RIPOR2: variants seen among roughly 807,000 people sequenced by gnomAD.
RIPOR2 encodes the protein RHO family interacting cell polarization regulator 2.
RIPOR2 carries 39 observed loss-of-function variants against 114.5 expected under a neutral mutation model. That is an observed-to-expected ratio of 0.34 (90% CI 0.26 to 0.44). The LOEUF (loss-of-function observed/expected upper bound fraction) is 0.44, where lower values mean the gene tolerates loss of function less well. Ranked by LOEUF, RIPOR2 falls within the 20% of genes least tolerant of loss-of-function variation. The probability of loss-of-function intolerance (pLI) is 1.00; values close to 1 mark genes in which losing one functional copy is unlikely to be tolerated. For synonymous variants in RIPOR2, 445 were observed against 484.4 expected, an observed-to-expected ratio of 0.92 and a Z score of 1.07; for missense variants, 1,007 against 1,255.1, an observed-to-expected ratio of 0.80 and a Z score of 2.99.
intron 1 of RIPOR2, among the ~76,000 whole-genome samples, chr6:25,039,187 T>C (rs1233711187): frequency 1.3e-5 from 2 of 152,212 alleles, no homozygotes; most frequent in Non-Finnish European, 2.9e-5. Context: ...CAAAGCAGAT[T>C]TTAGCAGCTG....
At position 24,842,990 on chromosome 6, in the gene RIPOR2, A is replaced by C; in HGVS notation, c.1729T>G (p.Ser577Ala). 1 of 1,583,964 alleles carries C rather than the reference A, an allele frequency of 6.3e-7. No individual in the cohort carries two copies. Among genetic ancestry groups the C allele is most frequent in the Non-Finnish European group, 8.6e-7 (1 of 1,164,322 alleles). The stretch of plus-strand genomic sequence containing the variant: ...TCCTCTAAGCTTCCATCTAGAAAGG[A>C]TCTGCAGCCTTCAGATTCTCCACCA... ...SVGGESEGCR[S>A]FLDGSLEDAF... The change falls in exon 13 of 22, where the codon TCC becomes GCC. Residue 577 changes from serine to alanine, a missense_variant. Transcript: ENST00000643898.
intron 19 of RIPOR2, among the ~76,000 whole-genome samples, chr6:24,821,801 G>A (rs1400096928): frequency 6.6e-6 from 1 of 152,202 alleles, no homozygotes; most frequent in African/African-American, 2.4e-5. Flanking sequence ...CCCCTCCAAA[G>A]CTACCATTTC....
intron 1 of RIPOR2, chr6:25,023,776 G>A: frequency 2.5e-6 from 2 of 794,494 alleles, no homozygotes; most frequent in Non-Finnish European, 2.2e-6. Flanking sequence ...TGGAGCCATC[G>A]TTGACGTTGG....
At chr6:24,886,509 G>A (rs1766850221) in intron 1 of RIPOR2, among the ~76,000 whole-genome samples, 2 of 152,166 alleles carry the variant, frequency 1.3e-5, no homozygotes, top group South Asian at 4.1e-4. Context: ...TTTAATCTGG[G>A]ACAGTTTCTT....
chr6:24,828,173 C>A lies in RIPOR2; in HGVS notation c.2629G>T (p.Asp877Tyr). 1 of 1,550,446 alleles carries A rather than the reference C, an allele frequency of 6.4e-7. No individual in the cohort carries two copies. The highest frequency in any genetic ancestry group is 1.2e-5 in the South Asian group (1 of 83,936). Residue 877 changes from aspartate (D) to tyrosine (Y), a missense_variant, in exon 18 of 22, where the codon GAC becomes TAC. Transcript: ENST00000643898. Reference sequence around the variant, plus strand: ...AGCTGGCTCAGGTAACTCTCCAGGTCACTGACGCCGTGGCTGGTGAAGTAA... The same window carrying A: ...AGCTGGCTCAGGTAACTCTCCAGGTAACTGACGCCGTGGCTGGTGAAGTAA... The part of the protein sequence containing the change: ...YSYFTSHGVS[D>Y]LESYLSQLAR...
intron 1 of RIPOR2, among the ~76,000 whole-genome samples, chr6:24,973,373 C>T (rs886142703): frequency 2.0e-5 from 3 of 151,742 alleles, no homozygotes; most frequent in African/African-American, 4.8e-5. Context: ...GAGGCTGAGG[C>T]GGGTGGATCA....
intron 1 of RIPOR2, among the ~76,000 whole-genome samples, chr6:24,974,266 G>A (rs1211618716): frequency 1.3e-5 from 2 of 151,998 alleles, no homozygotes; most frequent in Non-Finnish European, 2.9e-5. Flanking sequence ...AGCACCTGTG[G>A]TCCTAGTTAT....
rs527302682 is a variant in RIPOR2 at position 24,845,986 on chromosome 6, G to A, written c.1164+2039C>T. ...GTGGGATGGGCTTGTGGTGGGCTGT[G>A]GCCAGATGGGAACAGCCGCTCTGAG... On this transcript the variant is annotated intron_variant, in intron 12 of 21. Coordinates refer to ENST00000643898, the MANE Select transcript of RIPOR2 (RefSeq NM_001286445.3). Among the ~76,000 whole-genome samples, 22 of 152,268 alleles carry A rather than the reference G, an allele frequency of 1.4e-4. No homozygotes were observed. In the South Asian group the frequency reaches 3.9e-3, roughly 27 times the overall value.
chr6:24,840,917 G>A (rs946390222), intron 13 of RIPOR2: 33 of 764,910 alleles, frequency 4.3e-5, no homozygotes, highest in Middle Eastern at 3.0e-4. Flanking sequence ...ACAGGGAGTC[G>A]GTCTTGACTT....
At position 24,964,339 on chromosome 6, in the gene RIPOR2, C is replaced by G. The variant is rs371906864; in HGVS notation, c.76+77512G>C. Among the ~76,000 whole-genome samples the G allele has an allele frequency of 9.2e-5, 14 of 152,304 alleles. No homozygotes were observed. In the South Asian group the frequency reaches 2.5e-3, roughly 27 times the overall value. On this transcript the variant is annotated intron_variant, in intron 1 of 13. Transcript: ENST00000510784. ...TCCTTAATCCCTGGCAACTCCTAAC[C>G]TGTTATAAGACATTTTACAATGTTT...
chr6:24,954,612 T>C (rs546084300), intron 1 of RIPOR2, among the ~76,000 whole-genome samples: 6 of 152,112 alleles, frequency 3.9e-5, no homozygotes, highest in African/African-American at 7.2e-5. Flanking sequence ...TGTGTCACCA[T>C]GCCTGGCAAA....
At chr6:25,023,403 C>A in intron 1 of RIPOR2, 1 of 772,444 alleles carries the variant, frequency 1.3e-6, no homozygotes. Context: ...AGTGGGGACT[C>A]CCAGCCAAGG....
Position 25,000,508 on chromosome 6 carries a change from G to A in RIPOR2, c.76+41343C>T, listed in dbSNP as rs146057209. ...AACTCATGAATATCTGGCTTGAGGG[G>A]TTTTATATCTGTATTTTAATCTACA... On this transcript the variant is annotated intron_variant, in intron 1 of 13. Transcript: ENST00000510784. 3.2e-4 allele frequency among the ~76,000 whole-genome samples: 48 copies of A among 152,238 alleles called. No individual in the cohort carries two copies. In the East Asian group the frequency reaches 8.1e-3, roughly 26 times the overall value.
At chr6:25,012,179 G>C (rs1775800305) in intron 1 of RIPOR2, among the ~76,000 whole-genome samples, 1 of 152,142 alleles carries the variant, frequency 6.6e-6, no homozygotes, top group Admixed American at 6.5e-5. Flanking sequence ...AAACCATAAT[G>C]AGATCCTGGT....
Position 24,915,658 on chromosome 6 carries a change from T to C in RIPOR2, c.61+20180A>G, listed in dbSNP as rs555651499. On this transcript the variant is annotated intron_variant, in intron 1 of 21. Transcript: ENST00000643898. ...GATTACAGGTGTGAACCACCGTGCC[T>C]GGCCCCCGTCTCTCTGTATTTTTGA... Among the ~76,000 whole-genome samples, 12 of 152,320 alleles carry C rather than the reference T, an allele frequency of 7.9e-5. No homozygotes were observed. In the East Asian group the frequency reaches 2.1e-3, roughly 27 times the overall value.
chr6:24,980,835 T>C (rs1396908700), intron 1 of RIPOR2, among the ~76,000 whole-genome samples: 1 of 152,172 alleles, frequency 6.6e-6, no homozygotes, highest in Admixed American at 6.6e-5. Flanking sequence ...AGTGAGCTTA[T>C]CCAGGATGGG....
At chr6:25,013,971 GC>G (rs1362267214) in intron 1 of RIPOR2, among the ~76,000 whole-genome samples, 3 of 152,172 alleles carry the variant, frequency 2.0e-5, no homozygotes, top group Non-Finnish European at 4.4e-5. Flanking sequence ...TGGGAAGCAG[GC>G]CAAAAATTTA....
At chr6:25,020,145 G>A (rs1448535066) in intron 1 of RIPOR2, among the ~76,000 whole-genome samples, 1 of 152,078 alleles carries the variant, frequency 6.6e-6, no homozygotes, top group Non-Finnish European at 1.5e-5. Context: ...TTAAAAATCA[G>A]CTAGTATTAA....
chr6:24,851,798 C>A (rs1442898302), intron 9 of RIPOR2, among the ~76,000 whole-genome samples: 2 of 150,672 alleles, frequency 1.3e-5, no homozygotes, highest in African/African-American at 2.4e-5. Flanking sequence ...GGACACCTGG[C>A]AAAATATGAA....
Sources: allele counts gnomAD v4.1 joint callset (sites outside exome capture counted in the v4.1 genomes callset), GRCh38; gene constraint gnomAD v4.1.1; transcripts MANE v1.5; gene names NCBI Gene and HGNC (gene_info 2026-07-23, HGNC 2026-07-21).